ABCC5: variants seen among roughly 807,000 people sequenced by gnomAD.
ABCC5 encodes ATP-binding cassette sub-family C member 5.
Under a neutral mutation model 160.9 loss-of-function variants are expected in ABCC5, and 61 were observed. The observed-to-expected ratio is 0.38, with a 90% CI of 0.31 to 0.47. The LOEUF (loss-of-function observed/expected upper bound fraction) is 0.47, where lower values mean the gene tolerates loss of function less well. ABCC5 is among the 20% of genes least tolerant of loss of function. The pLI is 0.99. For synonymous variants in ABCC5, 666 were observed against 700.6 expected (o/e 0.95, Z 0.78); for missense variants, 1,308 against 1,813.3 (o/e 0.72, Z 5.06).
rs546481011 is a variant in ABCC5, at chr3:183,992,745, C to T, written c.130-3362G>A. 1.3e-4 allele frequency among the ~76,000 whole-genome samples: 20 copies of T among 151,812 alleles called. No homozygotes were observed. In the East Asian group the frequency reaches 1.9e-3, roughly 15 times the overall value. On this transcript the variant is annotated intron_variant, in intron 2 of 29. Transcript: ENST00000334444. ...CGGAGCTTGCAGTGAGCCAAGATAGCGCCACTGCACTCCGGCCTGAGCGAA... is the reference window on the plus strand; with the variant it reads ...CGGAGCTTGCAGTGAGCCAAGATAGTGCCACTGCACTCCGGCCTGAGCGAA...
intron 8 of ABCC5, among the ~76,000 whole-genome samples, chr3:183,980,450 G>A (rs1302400823): frequency 1.3e-5 from 2 of 152,174 alleles, no homozygotes; most frequent in Non-Finnish European, 2.9e-5. Flanking sequence ...AGCCAGAAGG[G>A]ACCAGTGGCA....
In ABCC5 at chr3:183,987,839, G is replaced by T; in HGVS notation, c.522C>A (p.Phe174Leu). The T allele has an allele frequency of 3.1e-6, 5 of 1,613,864 alleles. No homozygotes were observed. Among genetic ancestry groups the T allele is most frequent in the Non-Finnish European group, 3.4e-6 (4 of 1,179,932 alleles). Residue 174 changes from phenylalanine to leucine, a missense_variant, in exon 5 of 30, where the codon TTC becomes TTA. By Grantham distance (22) the Phe-to-Leu change is conservative. Transcript: ENST00000334444. The surrounding 1 kb of genome is among the most constrained non-coding windows in gnomAD (Gnocchi z 4.2). Reference protein sequence around the residue: ...AASLRRVVWIFCRTRLILSIV... With the variant: ...AASLRRVVWILCRTRLILSIV... ...TGGACAGGATGAGCCTGGTGCGGCA[G>T]AAGATCCACACAACCCTTCGCAGGG...
chr3:183,991,384 T>A (rs942784494), intron 2 of ABCC5, among the ~76,000 whole-genome samples: 1 of 151,704 alleles, frequency 6.6e-6, no homozygotes, highest in Non-Finnish European at 1.5e-5. Flanking sequence ...AGTTAAGTGG[T>A]TTAGCACCTA....
intron 2 of ABCC5, chr3:184,011,152 C>G (rs368111728): frequency 6.6e-6 from 1 of 152,258 alleles, no homozygotes; most frequent in Non-Finnish European, 1.5e-5. Context: ...TCTAGAAACG[C>G]CTTTCCTCCA....
intron 22 of ABCC5, among the ~76,000 whole-genome samples, chr3:183,948,389 G>A (rs1715044768): frequency 6.6e-6 from 1 of 151,836 alleles, no homozygotes; most frequent in East Asian, 1.9e-4. Context: ...ACTGTGTGTA[G>A]GTATATACAC....
At chr3:183,928,611 T>G (rs758944155) in intron 27 of ABCC5, 136 bp downstream of exon 27, 20 of 715,312 alleles carry the variant, frequency 2.8e-5, no homozygotes, top group Non-Finnish European at 4.3e-5. Flanking sequence ...TCTGAAAGAC[T>G]TGGAGAGCCC....
rs1711876888 is a variant in ABCC5 at position 183,920,593 on chromosome 3, C to T, written c.*707G>A. The T allele has an allele frequency of 6.5e-6, 1 of 152,708 alleles. No homozygotes were observed. The highest frequency in any genetic ancestry group is 2.1e-4 in the South Asian group (1 of 4,834). The allele number at this position is 152,708 out of a possible 1,614,324, so 9.5% of individuals were successfully genotyped here. ...AGGGAGTGAAAAGGGGCCTGGGCTT[C>T]GCCCCGCTGCTCTCCTGACAGAAAC... On this transcript the variant is annotated 3_prime_UTR_variant, in exon 30 of 30. Coordinates refer to ENST00000334444, the MANE Select transcript of ABCC5 (RefSeq NM_005688.4). This position sits in a 1 kb window ranked among gnomAD's most constrained non-coding sequence, Gnocchi z 4.1.
At chr3:183,980,363 C>A (rs958466420) in intron 8 of ABCC5, among the ~76,000 whole-genome samples, 1 of 152,146 alleles carries the variant, frequency 6.6e-6, no homozygotes, top group African/African-American at 2.4e-5. Context: ...TTAATACATA[C>A]AGGTAAAGAT....
At chr3:183,994,860 T>G (rs1054351016) in intron 2 of ABCC5, among the ~76,000 whole-genome samples, 9 of 151,544 alleles carry the variant, frequency 5.9e-5, no homozygotes, top group African/African-American at 1.9e-4. Flanking sequence ...TCTATGTTTT[T>G]TTTTTTTTTT....
chr3:183,952,073 C>T lies in ABCC5; in HGVS notation c.2668-70G>A, dbSNP rs1000403493. 7 of 1,540,782 alleles carry T rather than the reference C, an allele frequency of 4.5e-6. No homozygotes were observed. In the African/African-American group the frequency reaches 8.1e-5, roughly 18 times the overall value. ...CCAAGAGCCCCTGCTCAGCGCCATT[C>T]TCAGCTCAAGGGCAGGGCAGGGTAC... On this transcript the variant is annotated intron_variant, in intron 18 of 29. Transcript: ENST00000334444.
chr3:184,002,899 CG>C (rs1272292052), intron 2 of ABCC5, among the ~76,000 whole-genome samples: 1 of 152,164 alleles, frequency 6.6e-6, no homozygotes, highest in African/African-American at 2.4e-5. Flanking sequence ...AGAGGTACCT[CG>C]GTTTCCAAGG....
Position 183,921,398 on chromosome 3 carries a change from C to A in ABCC5, c.4216G>T (p.Val1406Leu), listed in dbSNP as rs905792323. 5 of 1,612,184 alleles carry A rather than the reference C, an allele frequency of 3.1e-6. No individual in the cohort carries two copies. The highest frequency in any genetic ancestry group is 2.7e-5 in the African/African-American group (2 of 74,812). ...AGGACCGATGGGGTGTCAAACTCCA[C>A]CACCTGCAAAAGAAGGAGACGCCGT... The part of the protein sequence containing the change: ...RIMVLAQGQV[V>L]EFDTPSVLLS... Residue 1406 changes from valine to leucine, a missense_variant, in exon 30 of 30, where the codon GTG (valine) becomes TTG (leucine). Val to Leu is a conservative substitution (Grantham distance 32). Around this residue, in one of 3 missense-constraint regions of ABCC5, gnomAD observed 163 missense variants for 269.7 expected, o/e 0.60. Coordinates refer to ENST00000334444, the MANE Select transcript of ABCC5 (RefSeq NM_005688.4). This position sits in a 1 kb window ranked among gnomAD's most constrained non-coding sequence, Gnocchi z 4.1.
Position 183,930,366 on chromosome 3 carries a change from G to A in ABCC5, c.3855-1541C>T, listed in dbSNP as rs188922800. Among the ~76,000 whole-genome samples the A allele has an allele frequency of 3.9e-5, 6 of 152,268 alleles. No homozygotes were observed. In the East Asian group the frequency reaches 5.8e-4, roughly 15 times the overall value. On this transcript the variant is annotated intron_variant, in intron 26 of 29. Transcript: ENST00000334444. ...TTGCCCTTTGCACGGCGTTTTTCCC[G>A]CTTGGAACATGCTCGCTTCTCACTA...
intron 11 of ABCC5, among the ~76,000 whole-genome samples, chr3:183,970,510 T>C (rs539927964): frequency 1.3e-5 from 2 of 151,848 alleles, no homozygotes; most frequent in South Asian, 4.2e-4. Flanking sequence ...AGTAGCGCGA[T>C]CTCAGCTCAC....
chr3:183,936,772 T>A (rs887448517), intron 26 of ABCC5, among the ~76,000 whole-genome samples: 1 of 152,174 alleles, frequency 6.6e-6, no homozygotes, highest in African/African-American at 2.4e-5. Context: ...CCTCCCAAAG[T>A]GTTGGGATTA....
At chr3:183,996,761 T>C (rs989849525) in intron 2 of ABCC5, among the ~76,000 whole-genome samples, 3 of 152,084 alleles carry the variant, frequency 2.0e-5, no homozygotes, top group East Asian at 3.8e-4. Context: ...AAGCATGGAG[T>C]AGAAATTCTC....
At chr3:183,924,718 G>A (rs370444684) in intron 29 of ABCC5, among the ~76,000 whole-genome samples, 8 of 152,202 alleles carry the variant, frequency 5.3e-5, no homozygotes, top group East Asian at 3.8e-4. Context: ...CTCAGAGAGC[G>A]TTCAGGGAGT....
At chr3:184,001,985 TA>T (rs1720779704) in intron 2 of ABCC5, among the ~76,000 whole-genome samples, 5 of 152,088 alleles carry the variant, frequency 3.3e-5, no homozygotes, top group African/African-American at 1.2e-4. Flanking sequence ...AACGAGGAAG[TA>T]TGACTGCCAT....
intron 26 of ABCC5, among the ~76,000 whole-genome samples, chr3:183,935,971 G>C (rs1284117962): frequency 6.6e-6 from 1 of 152,166 alleles, no homozygotes; most frequent in African/African-American, 2.4e-5. Flanking sequence ...ACACAGGTGA[G>C]AATTCTGCTG....
Sources: allele counts gnomAD v4.1 joint callset (sites outside exome capture counted in the v4.1 genomes callset), GRCh38; gene constraint gnomAD v4.1.1; regional missense constraint gnomAD v4.1.1; non-coding constraint Gnocchi (gnomAD v3.1); transcripts MANE v1.5; gene names NCBI Gene and HGNC (gene_info 2026-07-23, HGNC 2026-07-21).